C1orf105: variants seen among roughly 807,000 people sequenced by gnomAD.
C1orf105 encodes the protein chromosome 1 open reading frame 105.
Under a neutral mutation model 20.8 loss-of-function variants are expected in C1orf105, and 17 were observed. The ratio of observed to expected loss-of-function variants is 0.82; its 90% CI spans 0.56 to 1.23. The LOEUF is 1.23. Ranked by LOEUF, C1orf105 falls within the 50% of genes most tolerant of loss-of-function variation. The pLI is 0.00. For missense variants in C1orf105, 219 were observed against 213.5 expected (o/e 1.03, Z -0.16); for synonymous variants, 72 against 72.1 (o/e 1.00, Z 0.01).
intron 2 of C1orf105, 37 bp from the exon 3 acceptor site, chr1:172,448,404 A>T: frequency 7.2e-7 from 1 of 1,383,544 alleles, no homozygotes. Context: ...CAAACATGGG[A>T]CTGCGGTTCT....
intron 1 of C1orf105, among the ~76,000 whole-genome samples, chr1:172,440,431 T>C (rs2072183726): frequency 6.6e-6 from 1 of 152,248 alleles, no homozygotes; most frequent in Non-Finnish European, 1.5e-5. Context: ...CAAAGCACTT[T>C]GCATGTATCC....
At position 172,420,827 on chromosome 1, in the gene C1orf105, G is replaced by T; in HGVS notation, c.-59G>T. 1 of 1,568,228 alleles carries T rather than the reference G, an allele frequency of 6.4e-7. No homozygotes were observed. Among genetic ancestry groups the T allele is most frequent in the South Asian group, 1.1e-5 (1 of 89,744 alleles). ...CAGTCTTCCACTGGCCACAGTGAGG[G>T]GAGCTAGGTTTCCCCAGTCTCCAGC... On this transcript the variant is annotated 5_prime_UTR_variant, in exon 1 of 7. Coordinates refer to ENST00000367727, the MANE Select transcript of C1orf105 (RefSeq NM_139240.4).
chr1:172,466,161 G>T (rs1442323419), intron 6 of C1orf105, among the ~76,000 whole-genome samples: 1 of 152,170 alleles, frequency 6.6e-6, no homozygotes, highest in African/African-American at 2.4e-5. Context: ...GAACTGAAAA[G>T]ATTTCTAGAA....
chr1:172,465,665 A>G (rs972682656), intron 6 of C1orf105: 8 of 535,080 alleles, frequency 1.5e-5, no homozygotes, highest in Non-Finnish European at 2.2e-5. Flanking sequence ...AAACAAAATA[A>G]AAGTTCCCCT....
At chr1:172,421,317 TGAGA>T in intron 1 of C1orf105, among the ~76,000 whole-genome samples, 1 of 152,184 alleles carries the variant, frequency 6.6e-6, no homozygotes, top group South Asian at 2.1e-4. Flanking sequence ...TTAAGATTGC[TGAGA>T]AAGAAAAAAA....
At chr1:172,430,114 C>T (rs1573830778) in intron 1 of C1orf105, among the ~76,000 whole-genome samples, 1 of 152,204 alleles carries the variant, frequency 6.6e-6, no homozygotes, top group African/African-American at 2.4e-5. Context: ...TTTTCCTCCT[C>T]ACCTTTCCCC....
At chr1:172,452,400 G>C (rs1010260583) in intron 3 of C1orf105, among the ~76,000 whole-genome samples, 18 of 152,186 alleles carry the variant, frequency 1.2e-4, no homozygotes, top group African/African-American at 4.3e-4. Context: ...AGGTGTTGAA[G>C]GAAAGGACAG....
chr1:172,450,173 G>A lies in C1orf105; in HGVS notation c.198+1642G>A, dbSNP rs150585597. 6.8e-3 allele frequency among the ~76,000 whole-genome samples: 1,039 copies of A among 152,346 alleles called. 4 individuals carry two copies. The highest frequency in any genetic ancestry group is 0.021 in the Admixed American group (325 of 15,306). On this transcript the variant is annotated intron_variant, in intron 3 of 6. Coordinates refer to ENST00000367727, the MANE Select transcript of C1orf105 (RefSeq NM_139240.4). ...GGGAGGCCAGTTTCCCGGCTGACCC[G>A]TGAGAAGTCCCAAATAGGTTGCTCT...
intron 1 of C1orf105, chr1:172,441,860 C>A: frequency 6.2e-7 from 1 of 1,614,138 alleles, no homozygotes; most frequent in Non-Finnish European, 8.5e-7. Flanking sequence ...AGCAGAAGGG[C>A]AAAGAGTACG....
At chr1:172,442,157 TG>T in intron 1 of C1orf105, 1 of 1,614,228 alleles carries the variant, frequency 6.2e-7, no homozygotes, top group Non-Finnish European at 8.5e-7. Flanking sequence ...CCTAACAGCA[TG>T]AAGACTGACA....
intron 1 of C1orf105, among the ~76,000 whole-genome samples, chr1:172,438,618 G>T (rs2072118312): frequency 6.6e-6 from 1 of 152,188 alleles, no homozygotes; most frequent in Non-Finnish European, 1.5e-5. Context: ...CATTGTTTTT[G>T]TTGAAATAAC....
intron 3 of C1orf105, among the ~76,000 whole-genome samples, chr1:172,450,141 G>A (rs746433723): frequency 2.6e-5 from 4 of 152,224 alleles, no homozygotes; most frequent in Non-Finnish European, 5.9e-5. Flanking sequence ...CAGCCCAAAG[G>A]GCTCCTGGGA....
chr1:172,464,327 C>G (rs1649893996), intron 5 of C1orf105, among the ~76,000 whole-genome samples: 1 of 152,154 alleles, frequency 6.6e-6, no homozygotes, highest in Non-Finnish European at 1.5e-5. Flanking sequence ...ACTGGCTTAA[C>G]TCACTATATT....
intron 5 of C1orf105, among the ~76,000 whole-genome samples, chr1:172,463,851 G>A (rs1249735331): frequency 6.6e-6 from 1 of 152,176 alleles, no homozygotes; most frequent in Admixed American, 6.5e-5. Context: ...CGTATCATGA[G>A]ATTGATTGTT....
rs548449279 is a variant in C1orf105 at position 172,446,974 on chromosome 1, C to T, written c.108-1467C>T. On this transcript the variant is annotated intron_variant, in intron 2 of 6. Coordinates refer to ENST00000367727, the MANE Select transcript of C1orf105 (RefSeq NM_139240.4). Reference sequence around the variant, plus strand: ...TTCTTGTTTAGAAAAATGTAATATACCTACCTCACAACAAAGGTGACCGAA... The same window carrying T: ...TTCTTGTTTAGAAAAATGTAATATATCTACCTCACAACAAAGGTGACCGAA... Among the ~76,000 whole-genome samples, 32 of 152,258 alleles carry T rather than the reference C, an allele frequency of 2.1e-4. No individual in the cohort carries two copies. The South Asian group carries it at 5.6e-3, about 27-fold the overall frequency.
intron 6 of C1orf105, 123 bp downstream of exon 6, chr1:172,465,486 T>C: frequency 1.3e-6 from 1 of 789,670 alleles, no homozygotes; most frequent in Admixed American, 1.9e-5. Flanking sequence ...TCTATCCCTT[T>C]CTCTTTCACG....
intron 1 of C1orf105, among the ~76,000 whole-genome samples, chr1:172,434,873 G>T (rs561636162): frequency 6.8e-6 from 1 of 146,106 alleles, no homozygotes; most frequent in African/African-American, 2.5e-5. Flanking sequence ...AAGAAGAAAA[G>T]AGAAGAATCA....
intron 1 of C1orf105, chr1:172,444,135 C>T: frequency 1.0e-6 from 1 of 989,760 alleles, no homozygotes; most frequent in Non-Finnish European, 1.2e-6. Context: ...CTGGAACCAT[C>T]GCGACGTGAC....
At position 172,468,705 on chromosome 1, in the gene C1orf105, G is replaced by T; in HGVS notation, c.*111G>T. ...AATTTTCTCTCTTCTCCCAAAAGAT[G>T]ATTTAATTTTGCCTTCCTAAGATTG... On this transcript the variant is annotated 3_prime_UTR_variant, in exon 7 of 7. Coordinates refer to ENST00000367727, the MANE Select transcript of C1orf105 (RefSeq NM_139240.4). 1 of 1,273,188 alleles carries T rather than the reference G, an allele frequency of 7.9e-7. No homozygotes were observed. Among genetic ancestry groups the T allele is most frequent in the Non-Finnish European group, 1.1e-6 (1 of 924,562 alleles). 78.9% of individuals were successfully genotyped at this position (1,273,188 alleles called of 1,614,324 possible).
Sources: gnomAD v4.1 joint callset for allele counts (sites outside exome capture counted in the v4.1 genomes callset) on GRCh38, gnomAD v4.1.1 for gene constraint, MANE v1.5 for transcripts, NCBI Gene and HGNC (gene_info 2026-07-23, HGNC 2026-07-21) for gene names.